NAV2: variants seen among roughly 807,000 people sequenced by gnomAD.
NAV2 encodes the protein neuron navigator 2.
Under a neutral mutation model 223.2 loss-of-function variants are expected in NAV2, and 54 were observed. The ratio of observed to expected loss-of-function variants is 0.24; its 90% CI spans 0.19 to 0.30. NAV2 has a LOEUF of 0.30. Among genes scored for constraint, NAV2 ranks in the 10% least tolerant of loss-of-function variants. The probability of loss-of-function intolerance (pLI) is 1.00; values close to 1 mark genes in which losing one functional copy is unlikely to be tolerated. For missense variants in NAV2, 2,806 were observed against 3,147.5 expected, an observed-to-expected ratio of 0.89 and a Z score of 2.60; for synonymous variants, 1,279 against 1,239.3, an observed-to-expected ratio of 1.03 and a Z score of -0.67.
intron 1 of NAV2, among the ~76,000 whole-genome samples, chr11:19,430,146 C>T (rs1245138790): frequency 1.3e-5 from 2 of 152,332 alleles, no homozygotes; most frequent in East Asian, 3.9e-4. Flanking sequence ...CCCTTACCCC[C>T]ACCCCTCTCA....
At chr11:20,118,027 CT>C (rs1433622868) in intron 37 of NAV2, 105 bp from the exon 38 acceptor site, 14 of 1,310,098 alleles carry the variant, frequency 1.1e-5, no homozygotes, top group Admixed American at 2.0e-5. Flanking sequence ...CCACTGTGGG[CT>C]GTTATCCCAG....
intron 10 of NAV2, among the ~76,000 whole-genome samples, chr11:19,966,082 C>A (rs2153418435): frequency 6.6e-6 from 1 of 152,290 alleles, no homozygotes; most frequent in South Asian, 2.1e-4. Context: ...GCTGCCTCAC[C>A]TTTTATCATC....
intron 1 of NAV2, among the ~76,000 whole-genome samples, chr11:19,792,355 C>G (rs57787559): frequency 0.064 from 9,682 of 152,292 alleles, 368 homozygotes; most frequent in Middle Eastern, 0.099. Flanking sequence ...CCCCCTCCTC[C>G]TGCCCTCCGA....
At chr11:20,035,839 TCCGG>T in intron 11 of NAV2, 116 bp from the exon 12 acceptor site, 1 of 1,150,578 alleles carries the variant, frequency 8.7e-7, no homozygotes, top group Non-Finnish European at 1.2e-6. Flanking sequence ...GAGAGCTTTG[TCCGG>T]GGCTTCATGG....
At chr11:19,469,314 G>T (rs947584932) in intron 1 of NAV2, among the ~76,000 whole-genome samples, 9 of 152,132 alleles carry the variant, frequency 5.9e-5, no homozygotes, top group African/African-American at 2.2e-4. Context: ...ATCTCTTTAG[G>T]CTGTGATCTT....
intron 28 of NAV2, 138 bp downstream of exon 28, chr11:20,092,506 T>C (rs906486072): frequency 1.9e-4 from 154 of 823,646 alleles, no homozygotes; most frequent in Admixed American, 7.9e-4. Flanking sequence ...GGTGTGTATG[T>C]GTCTGGGTGT....
chr11:19,729,887 TA>T (rs927760239), intron 1 of NAV2, among the ~76,000 whole-genome samples: 1 of 152,104 alleles, frequency 6.6e-6, no homozygotes, highest in Admixed American at 6.6e-5. Flanking sequence ...GAGCTACAAA[TA>T]AGAATGGAGA....
At chr11:20,050,873 G>T (rs1247966029) in intron 16 of NAV2, among the ~76,000 whole-genome samples, 1 of 152,220 alleles carries the variant, frequency 6.6e-6, no homozygotes, top group Non-Finnish European at 1.5e-5. Context: ...TGGCATTTAG[G>T]GGGTGGGCCA....
intron 1 of NAV2, among the ~76,000 whole-genome samples, chr11:19,413,328 A>G (rs1160752845): frequency 6.6e-6 from 1 of 152,188 alleles, no homozygotes; most frequent in African/African-American, 2.4e-5. Context: ...GATATCAGAG[A>G]TTGAGGATCA....
chr11:19,995,432 G>T (rs540053404), intron 11 of NAV2, among the ~76,000 whole-genome samples: 1 of 152,314 alleles, frequency 6.6e-6, no homozygotes, highest in South Asian at 2.1e-4. Flanking sequence ...CTGGCATGCC[G>T]TGGGGCCCCC....
chr11:19,816,005 C>A (rs905535996), intron 1 of NAV2, among the ~76,000 whole-genome samples: 1 of 152,092 alleles, frequency 6.6e-6, no homozygotes, highest in Non-Finnish European at 1.5e-5. Context: ...CCAGGTTGTC[C>A]CCTGGGTAGA....
At position 19,921,945 on chromosome 11, in the gene NAV2, G is replaced by GTGTGTGTGT. The variant is rs551517414; in HGVS notation, c.932-11231_932-11230insTGTGTGTGT. Among the ~76,000 whole-genome samples the GTGTGTGTGT allele has an allele frequency of 1.8e-4, 28 of 152,148 alleles. No individual in the cohort carries two copies. The South Asian group carries it at 5.8e-3, about 32-fold the overall frequency. On this transcript the variant is annotated intron_variant, in intron 6 of 37. Transcript: ENST00000349880. The stretch of plus-strand genomic sequence containing the variant: ...ATTGCTATATATGTGTGTGTGTGTG[G>GTGTGTGTGT]GTATATAAATATATTTTGCCATGGA...
rs1363985977 is a variant in NAV2 at position 19,581,656 on chromosome 11, G to A, written c.75+230629G>A. ...TTGTGATAGTTTGCTGAGAATGATGGTTTCCAGCTTCATCCATGTCCCTAC... is the reference window on the plus strand; with the variant it reads ...TTGTGATAGTTTGCTGAGAATGATGATTTCCAGCTTCATCCATGTCCCTAC... On this transcript the variant is annotated intron_variant, in intron 1 of 37. Transcript: ENST00000360655. Among the ~76,000 whole-genome samples, 9 of 152,130 alleles carry A rather than the reference G, an allele frequency of 5.9e-5. No homozygotes were observed. The East Asian group carries it at 7.7e-4, about 13-fold the overall frequency.
intron 1 of NAV2, among the ~76,000 whole-genome samples, chr11:19,629,190 G>A (rs2047267672): frequency 6.6e-6 from 1 of 151,808 alleles, no homozygotes; most frequent in South Asian, 2.1e-4. Context: ...CCATTTCTGA[G>A]CCCTTGCCCC....
chr11:19,611,474 T>C (rs565786934), intron 1 of NAV2, among the ~76,000 whole-genome samples: 124 of 152,304 alleles, frequency 8.1e-4, no homozygotes, highest in Middle Eastern at 3.4e-3. Flanking sequence ...CCTATGAGCC[T>C]GTAAAATCAA....
intron 6 of NAV2, among the ~76,000 whole-genome samples, chr11:19,930,669 T>A (rs1044622535): frequency 5.3e-5 from 8 of 152,206 alleles, no homozygotes. Flanking sequence ...ATCTGACACA[T>A]ATTAGGAGCT....
chr11:20,053,961 T>G, intron 17 of NAV2, 119 bp from the exon 18 acceptor site: 1 of 1,111,100 alleles, frequency 9.0e-7, no homozygotes, highest in African/African-American at 1.6e-5. Flanking sequence ...TGATCTGATT[T>G]TAAAAAAAAT....
At chr11:19,794,603 A>C (rs80101658) in intron 1 of NAV2, among the ~76,000 whole-genome samples, 8,474 of 152,280 alleles carry the variant, frequency 0.056, 302 homozygotes, top group Non-Finnish European at 0.088. Context: ...GTAGGTCCAC[A>C]GAGAATGTGG....
intron 1 of NAV2, among the ~76,000 whole-genome samples, chr11:19,513,682 C>T (rs2043350279): frequency 6.6e-6 from 1 of 152,220 alleles, no homozygotes; most frequent in Admixed American, 6.5e-5. Context: ...GAAGTCCTAA[C>T]CCCTAATTCC....
Sources: allele counts gnomAD v4.1 joint callset (sites outside exome capture counted in the v4.1 genomes callset), GRCh38; gene constraint gnomAD v4.1.1; transcripts MANE v1.5; gene names NCBI Gene and HGNC (gene_info 2026-07-23, HGNC 2026-07-21).